Variants in SEC63 observed in about 807,000 individuals in gnomAD.
SEC63 encodes translocation protein SEC63 homolog.
In SEC63, 56 loss-of-function variants were observed where a neutral mutation model predicts 116.2. The ratio of observed to expected loss-of-function variants is 0.48; its 90% confidence interval spans 0.39 to 0.60. The LOEUF is 0.60. SEC63 is among the 20% of genes least tolerant of loss of function. The probability of loss-of-function intolerance (pLI) is 0.00; values close to 1 mark genes in which losing one functional copy is unlikely to be tolerated. For missense variants in SEC63, 668 were observed against 900.0 expected (o/e 0.74, Z 3.30); for synonymous variants, 273 against 294.6 (o/e 0.93, Z 0.75).
chr6:107,888,183 G>A (rs1786582668), intron 16 of SEC63, among the ~76,000 whole-genome samples: 1 of 152,134 alleles, frequency 6.6e-6, no homozygotes, highest in Non-Finnish European at 1.5e-5. Context: ...TTACTTTGGG[G>A]AGTGTGGCCA....
intron 8 of SEC63, among the ~76,000 whole-genome samples, chr6:107,908,240 G>T (rs1787187487): frequency 6.6e-6 from 1 of 152,046 alleles, no homozygotes; most frequent in Non-Finnish European, 1.5e-5. Context: ...GAGCAGCTAT[G>T]ATTTTTGCAG....
intron 1 of SEC63, among the ~76,000 whole-genome samples, chr6:107,930,561 C>CATGCCATTGCA (rs571216543): frequency 2.0e-4 from 31 of 151,436 alleles, no homozygotes; most frequent in Non-Finnish European, 4.1e-4. Flanking sequence ...GAGCCGAGAT[C>CATGCCATTGCA]ATGCCATTGC....
intron 13 of SEC63, among the ~76,000 whole-genome samples, chr6:107,900,859 ATATAGGTAGAAAAATAGCCTTTAT>A (rs1786985126): frequency 6.6e-6 from 1 of 152,238 alleles, no homozygotes; most frequent in Admixed American, 6.5e-5. Flanking sequence ...CAGAGCAATT[ATATAGGTAGAAAAATAGCCTTTAT>A]TTTTTTCCCT....
intron 1 of SEC63, chr6:107,957,682 G>C (rs1029743734): frequency 1.8e-5 from 7 of 396,222 alleles, no homozygotes; most frequent in Non-Finnish European, 2.6e-5. Context: ...AAACTCCTGA[G>C]GACAATGAAG....
chr6:107,953,566 A>T (rs1295005347), intron 1 of SEC63, among the ~76,000 whole-genome samples: 1 of 107,436 alleles, frequency 9.3e-6, no homozygotes. Flanking sequence ...TCCGGGAGGG[A>T]GGTGGGGGGG....
chr6:107,937,978 G>A (rs1426489481), intron 1 of SEC63, among the ~76,000 whole-genome samples: 1 of 152,040 alleles, frequency 6.6e-6, no homozygotes. Flanking sequence ...TATTCTGTAG[G>A]TTGTCTGTTT....
At chr6:107,933,433 G>A (rs1434031799) in intron 1 of SEC63, among the ~76,000 whole-genome samples, 5 of 152,008 alleles carry the variant, frequency 3.3e-5, no homozygotes. Context: ...GGTGAGCATC[G>A]CCAGAAAAAA....
chr6:107,898,589 TG>T (rs1786921001), intron 13 of SEC63, among the ~76,000 whole-genome samples: 1 of 152,198 alleles, frequency 6.6e-6, no homozygotes, highest in South Asian at 2.1e-4. Context: ...AAAGCACTTT[TG>T]AAAAAGTATT....
intron 13 of SEC63, among the ~76,000 whole-genome samples, chr6:107,900,851 G>T (rs1367551615): frequency 6.6e-6 from 1 of 152,102 alleles, no homozygotes; most frequent in African/African-American, 2.4e-5. Flanking sequence ...TAGAAACACA[G>T]AGCAATTATA....
At chr6:107,915,412 G>A (rs1460390795) in intron 4 of SEC63, among the ~76,000 whole-genome samples, 3 of 152,120 alleles carry the variant, frequency 2.0e-5, no homozygotes, top group Non-Finnish European at 4.4e-5. Flanking sequence ...AAGTGACCAT[G>A]AGTTGGCTAT....
chr6:107,909,350 C>A (rs1380814939), intron 7 of SEC63, among the ~76,000 whole-genome samples: 3 of 149,932 alleles, frequency 2.0e-5, no homozygotes, highest in African/African-American at 7.4e-5. Flanking sequence ...GCACTCCATC[C>A]TAGGTGACAG....
intron 5 of SEC63, 83 bp from the exon 6 acceptor site, chr6:107,912,857 T>G: frequency 9.7e-7 from 1 of 1,026,432 alleles, no homozygotes; most frequent in Non-Finnish European, 1.5e-6. Flanking sequence ...GGATCTATAA[T>G]ATATCCCAGA....
chr6:107,900,479 TAAA>T (rs1205513444), intron 13 of SEC63, among the ~76,000 whole-genome samples: 2 of 151,966 alleles, frequency 1.3e-5, no homozygotes, highest in African/African-American at 4.8e-5. Flanking sequence ...CTGTCTCTAC[TAAA>T]ATTACAAAAA....
chr6:107,877,643 T>C (rs922566285), intron 18 of SEC63, among the ~76,000 whole-genome samples: 8 of 152,146 alleles, frequency 5.3e-5, no homozygotes, highest in Non-Finnish European at 1.0e-4. Context: ...ATTTCATTTA[T>C]GTTGCCCTGG....
chr6:107,952,991 G>A (rs748347939), intron 1 of SEC63, among the ~76,000 whole-genome samples: 1 of 152,162 alleles, frequency 6.6e-6, no homozygotes, highest in Non-Finnish European at 1.5e-5. Context: ...AGGGAACAGT[G>A]GCTCACGCCT....
At chr6:107,917,341 C>A (rs11961753) in intron 4 of SEC63, among the ~76,000 whole-genome samples, 18 of 152,078 alleles carry the variant, frequency 1.2e-4, no homozygotes, top group African/African-American at 4.1e-4. Flanking sequence ...GGCTGTGAGA[C>A]CCCTAATTTC....
At chr6:107,936,786 A>G (rs1224512217) in intron 1 of SEC63, among the ~76,000 whole-genome samples, 1 of 152,216 alleles carries the variant, frequency 6.6e-6, no homozygotes, top group African/African-American at 2.4e-5. Context: ...TCTTAGCACC[A>G]TAATCATAGA....
rs1222367372 is a variant in SEC63 at position 107,893,682 on chromosome 6, T to C, written c.1501-27A>G. 2.5e-6 allele frequency: 4 copies of C among 1,613,016 alleles called. No individual in the cohort carries two copies. In the African/African-American group the frequency reaches 5.3e-5, roughly 22 times the overall value. ...TGTGAATCATAACACGTCACACTCT[T>C]AAGTTATAGCAACAGATTCAATTGA... On this transcript the variant is annotated intron_variant, in intron 15 of 20. Coordinates refer to ENST00000369002, the MANE Select transcript of SEC63 (RefSeq NM_007214.5).
intron 5 of SEC63, 67 bp from the exon 6 acceptor site, chr6:107,912,841 T>C (rs1052421502): frequency 8.7e-6 from 10 of 1,146,932 alleles, no homozygotes; most frequent in African/African-American, 3.1e-5. Flanking sequence ...ACATTAAATA[T>C]ATTTGGGATC....
Sources: allele counts gnomAD v4.1 joint callset (sites outside exome capture counted in the v4.1 genomes callset), GRCh38; gene constraint gnomAD v4.1.1; transcripts MANE v1.5; gene names NCBI Gene and HGNC (gene_info 2026-07-23, HGNC 2026-07-21).